Variants in PAM observed in about 807,000 individuals in gnomAD.
The protein encoded by PAM is peptidylglycine alpha-amidating monooxygenase, also known as peptidyl-glycine alpha-amidating monooxygenase.
A neutral mutation model predicts 122.1 loss-of-function variants in PAM; 72 were observed. That is an observed-to-expected ratio of 0.59 (90% CI 0.49 to 0.72). The LOEUF (loss-of-function observed/expected upper bound fraction) is 0.72. Among genes scored for constraint, PAM ranks in the 30% least tolerant of loss-of-function variants. PAM has a pLI of 0.00. For missense variants in PAM, 1,106 were observed against 1,183.7 expected (o/e 0.93, Z 0.96); for synonymous variants, 389 against 404.4 (o/e 0.96, Z 0.46).
At chr5:102,892,044 A>G (rs545805517) in intron 3 of PAM, among the ~76,000 whole-genome samples, 1 of 151,918 alleles carries the variant, frequency 6.6e-6, no homozygotes, top group Non-Finnish European at 1.5e-5. Flanking sequence ...TGATTGCTTT[A>G]GAGATGGGCA....
chr5:103,007,251 A>G (rs1779305626), intron 19 of PAM, among the ~76,000 whole-genome samples: 1 of 151,464 alleles, frequency 6.6e-6, no homozygotes, highest in South Asian at 2.1e-4. Context: ...TGTATCCACC[A>G]AACAACTATC....
At chr5:102,845,246 C>G (rs1212396110) in intron 1 of PAM, among the ~76,000 whole-genome samples, 1 of 152,096 alleles carries the variant, frequency 6.6e-6, no homozygotes, top group Non-Finnish European at 1.5e-5. Flanking sequence ...AGGAGGGGCA[C>G]ATGAAATGAG....
At chr5:102,864,636 C>T (rs1433354296) in intron 1 of PAM, 1 of 152,080 alleles carries the variant, frequency 6.6e-6, no homozygotes, top group African/African-American at 2.4e-5. Flanking sequence ...GCTTCACTAT[C>T]TTGTGATTTC....
chr5:102,845,074 A>T (rs888725198), intron 1 of PAM, among the ~76,000 whole-genome samples: 19 of 152,262 alleles, frequency 1.2e-4, no homozygotes, highest in African/African-American at 4.1e-4. Context: ...TTCAGTCTTG[A>T]GTAGGCCTTA....
intron 15 of PAM, chr5:102,974,705 G>A: frequency 3.4e-6 from 1 of 293,388 alleles, no homozygotes; most frequent in Non-Finnish European, 6.3e-6. Context: ...GATCATTTGG[G>A]GAAAGGAGGC....
intron 1 of PAM, among the ~76,000 whole-genome samples, chr5:102,851,092 C>T (rs943094334): frequency 2.6e-5 from 4 of 152,066 alleles, no homozygotes; most frequent in African/African-American, 7.2e-5. Context: ...GCTCAGTAAT[C>T]GGATGCACGA....
At chr5:102,946,732 CTT>C in intron 7 of PAM, 103 bp from the exon 8 acceptor site, 1 of 719,628 alleles carries the variant, frequency 1.4e-6, no homozygotes, top group African/African-American at 1.8e-5. Context: ...TGAAACATAA[CTT>C]GTGTTTTAAA....
At chr5:102,913,708 A>G (rs568499600) in intron 4 of PAM, among the ~76,000 whole-genome samples, 2 of 152,078 alleles carry the variant, frequency 1.3e-5, no homozygotes, top group Admixed American at 6.6e-5. Context: ...GTGTGTGTGT[A>G]TGTGGGTGTG....
chr5:102,894,491 T>A (rs986998810), intron 3 of PAM, among the ~76,000 whole-genome samples: 1 of 151,618 alleles, frequency 6.6e-6, no homozygotes, highest in Non-Finnish European at 1.5e-5. Flanking sequence ...CACAGCTCTG[T>A]CACTTCTCTT....
In PAM at chr5:103,003,163, CT is replaced by C. The variant is rs1447372112; in HGVS notation, c.1730+16del. 1 of 1,107,412 alleles carries C rather than the reference CT, an allele frequency of 9.0e-7. No individual in the cohort carries two copies. Among genetic ancestry groups the C allele is most frequent in the African/African-American group, 1.5e-5 (1 of 65,238 alleles). The allele number at this position is 1,107,412 out of a possible 1,614,324, so 68.6% of individuals were successfully genotyped here. On this transcript the variant is annotated intron_variant, in intron 17 of 25. Coordinates refer to ENST00000438793, the MANE Select transcript of PAM (RefSeq NM_001177306.2). ...TGGAAAAAATCTGTGAGTTAAATGA[CT>C]TATGTTGTTAAGACTTGTACTACAT...
intron 4 of PAM, among the ~76,000 whole-genome samples, chr5:102,905,036 G>A (rs1799112263): frequency 1.3e-5 from 2 of 151,584 alleles, no homozygotes; most frequent in South Asian, 4.1e-4. Flanking sequence ...CTGCAATGAT[G>A]AAGATAAAAA....
chr5:103,019,857 CTCT>C lies in PAM; in HGVS notation c.2485+16_2485+18del, dbSNP rs770307541. ...AGGAAATCAAAGGTTGGTCAGATTC[CTCT>C]TATTACTATAAAACCAAAGTCTGGC... On this transcript the variant is annotated intron_variant, in intron 23 of 25. Transcript: ENST00000438793. 1.3e-6 allele frequency: 2 copies of C among 1,550,676 alleles called. No homozygotes were observed. The highest frequency in any genetic ancestry group is 2.2e-5 in the South Asian group (2 of 89,860).
intron 15 of PAM, among the ~76,000 whole-genome samples, chr5:102,984,075 A>G (rs370120583): frequency 3.5e-4 from 54 of 152,292 alleles, no homozygotes; most frequent in African/African-American, 1.3e-3. Flanking sequence ...CAAGAATAAA[A>G]TTCAGTGGCA....
At chr5:102,925,497 T>C (rs764192600) in intron 6 of PAM, among the ~76,000 whole-genome samples, 9 of 152,340 alleles carry the variant, frequency 5.9e-5, no homozygotes, top group Non-Finnish European at 1.0e-4. Flanking sequence ...TGTGTGAGTG[T>C]ACTACCAGAC....
intron 1 of PAM, among the ~76,000 whole-genome samples, chr5:102,840,312 C>A (rs1031784977): frequency 2.0e-5 from 3 of 152,028 alleles, no homozygotes; most frequent in East Asian, 1.9e-4. Flanking sequence ...CAATCATGGG[C>A]AAAATGAAGT....
intron 18 of PAM, among the ~76,000 whole-genome samples, 184 bp downstream of exon 18, chr5:103,005,410 G>T (rs1338944572): frequency 6.6e-6 from 1 of 152,134 alleles, no homozygotes; most frequent in African/African-American, 2.4e-5. Context: ...TAGTCTGGGT[G>T]GCTTATACAC....
intron 1 of PAM, among the ~76,000 whole-genome samples, chr5:102,814,570 C>CATATATATTTATATATACAT (rs200714590): frequency 3.6e-5 from 5 of 140,360 alleles, no homozygotes; most frequent in African/African-American, 1.3e-4. Context: ...TAGATATATA[C>CATATATATTTATATATACAT]ATATATTGAT....
intron 15 of PAM, among the ~76,000 whole-genome samples, chr5:102,988,199 C>G (rs1220536482): frequency 6.6e-6 from 1 of 152,174 alleles, no homozygotes; most frequent in African/African-American, 2.4e-5. Flanking sequence ...TAAACATCCT[C>G]ACTTTTATTC....
chr5:102,899,352 A>T (rs6866114), intron 3 of PAM, among the ~76,000 whole-genome samples: 18,765 of 149,642 alleles, frequency 0.13, 3,090 homozygotes, highest in African/African-American at 0.37. Flanking sequence ...TTAATTTTTT[A>T]AATCAAGAAC....
Sources: gnomAD v4.1 joint callset for allele counts (sites outside exome capture counted in the v4.1 genomes callset) on GRCh38, gnomAD v4.1.1 for gene constraint, MANE v1.5 for transcripts, NCBI Gene and HGNC (gene_info 2026-07-23, HGNC 2026-07-21) for gene names.